GUCY1A2: variants seen among roughly 807,000 people sequenced by gnomAD.
The protein encoded by GUCY1A2 is guanylate cyclase soluble subunit alpha-2.
A neutral mutation model predicts 63.5 loss-of-function variants in GUCY1A2; 27 were observed. That is an observed-to-expected ratio of 0.43 (90% CI 0.31 to 0.59). GUCY1A2 has a LOEUF of 0.59. GUCY1A2 is among the 20% of genes least tolerant of loss of function. GUCY1A2 has a pLI of 0.11. For missense variants in GUCY1A2, 768 were observed against 913.3 expected (o/e 0.84, Z 2.05); for synonymous variants, 364 against 343.5 (o/e 1.06, Z -0.66).
At chr11:106,758,115 G>C (rs950938788) in intron 6 of GUCY1A2, among the ~76,000 whole-genome samples, 1 of 152,186 alleles carries the variant, frequency 6.6e-6, no homozygotes, top group Non-Finnish European at 1.5e-5. Flanking sequence ...CCCAGTTCGA[G>C]CTTACTGGCA....
intron 4 of GUCY1A2, among the ~76,000 whole-genome samples, chr11:106,832,693 T>C (rs79287882): frequency 0.072 from 10,994 of 152,210 alleles, 415 homozygotes; most frequent in East Asian, 0.12. Flanking sequence ...CATGCAATGT[T>C]TGCTTGAATG....
At chr11:106,867,779 T>C (rs114202253) in intron 4 of GUCY1A2, among the ~76,000 whole-genome samples, 1 of 152,112 alleles carries the variant, frequency 6.6e-6, no homozygotes, top group African/African-American at 2.4e-5. Flanking sequence ...TATCAAAGAC[T>C]AGAATATCAA....
In GUCY1A2 at chr11:106,810,031, T is replaced by C; in HGVS notation, c.1654A>G (p.Arg552Gly). Residue 552 changes from arginine (R) to glycine (G), a missense_variant, in exon 5 of 8, where the codon AGA becomes GGA. Around this residue, in one of 3 missense-constraint regions of GUCY1A2, gnomAD observed 122 missense variants for 238.1 expected, o/e 0.51. Transcript: ENST00000526355. ...AAAAATCCACACTGGTGGTCAAATC[T>C]GGTGTACAGTTCATTCAGCATGCTG... ...VISMLNELYT[R>G]FDHQCGFLDI... 6.2e-7 allele frequency: 1 copy of C among 1,611,174 alleles called. No homozygotes were observed. The highest frequency in any genetic ancestry group is 8.5e-7 in the Non-Finnish European group (1 of 1,177,422).
In GUCY1A2 at chr11:106,827,373, G is replaced by T. The variant is rs1858986053; in HGVS notation, c.1207-16895C>A. On this transcript the variant is annotated intron_variant, in intron 4 of 7. Transcript: ENST00000526355. ...TATTCCCTATAGCTTTATCTTTAAT[G>T]GCCCAAATCACTTCACAGCCTTCAA... is the stretch of plus-strand genomic sequence containing the variant. 4 of 1,548,462 alleles carry T rather than the reference G, an allele frequency of 2.6e-6. No homozygotes were observed. The Admixed American group carries it at 5.0e-5, about 19-fold the overall frequency.
intron 4 of GUCY1A2, among the ~76,000 whole-genome samples, chr11:106,925,789 C>T (rs1430816415): frequency 6.6e-6 from 1 of 152,158 alleles, no homozygotes; most frequent in Non-Finnish European, 1.5e-5. Context: ...GTGTCTTAGT[C>T]AATTCACCTA....
chr11:106,763,709 A>G (rs1231757094), intron 6 of GUCY1A2, among the ~76,000 whole-genome samples: 1 of 152,100 alleles, frequency 6.6e-6, no homozygotes. Flanking sequence ...AAAAAAGCAG[A>G]TTAGTATTTG....
chr11:106,754,464 C>A (rs1456520599), intron 6 of GUCY1A2, among the ~76,000 whole-genome samples: 1 of 152,148 alleles, frequency 6.6e-6, no homozygotes, highest in Non-Finnish European at 1.5e-5. Context: ...CCAGTTTTTG[C>A]CCATTCAGTA....
At position 106,687,145 on chromosome 11, in the gene GUCY1A2, C is replaced by T. The variant is rs1374989755; in HGVS notation, c.*404G>A. Reference sequence around the variant, plus strand: ...AAGAAACTTAGAAAATATTCCTCACCCACCAACTCACTAAATGTAGGAATA... The same window carrying T: ...AAGAAACTTAGAAAATATTCCTCACTCACCAACTCACTAAATGTAGGAATA... On this transcript the variant is annotated 3_prime_UTR_variant, in exon 8 of 8. Coordinates refer to ENST00000526355, the MANE Select transcript of GUCY1A2 (RefSeq NM_000855.3). 4 of 234,246 alleles carry T rather than the reference C, an allele frequency of 1.7e-5. No individual in the cohort carries two copies. Among genetic ancestry groups the T allele is most frequent in the Non-Finnish European group, 3.4e-5 (4 of 119,012 alleles). 14.5% of individuals were successfully genotyped at this position (234,246 alleles called of 1,614,324 possible). A position where few individuals can be genotyped will look rare whatever the true frequency, so the allele number is the denominator to read the frequency against.
chr11:106,870,538 G>A (rs538244026), intron 4 of GUCY1A2, among the ~76,000 whole-genome samples: 1 of 152,098 alleles, frequency 6.6e-6, no homozygotes, highest in East Asian at 1.9e-4. Flanking sequence ...GTATGTTTTT[G>A]TTGTTGTTGT....
chr11:106,933,379 A>ATC (rs1054534904), intron 4 of GUCY1A2, among the ~76,000 whole-genome samples: 21 of 152,208 alleles, frequency 1.4e-4, no homozygotes, highest in African/African-American at 4.8e-4. Context: ...AAAAATGCAA[A>ATC]TCAAACCCAC....
chr11:106,900,842 A>G (rs1306271858), intron 4 of GUCY1A2, among the ~76,000 whole-genome samples: 1 of 152,228 alleles, frequency 6.6e-6, no homozygotes. Flanking sequence ...ATTGCTAAAA[A>G]TGCTAATGAT....
rs1277728111 is a variant in GUCY1A2, at chr11:106,674,099, TAACTA to T, written c.*13445_*13449del. 2 of 178,600 alleles carry T rather than the reference TAACTA, an allele frequency of 1.1e-5. No homozygotes were observed. Among genetic ancestry groups the T allele is most frequent in the Non-Finnish European group, 2.4e-5 (2 of 83,170 alleles). 11.1% of individuals were successfully genotyped at this position (178,600 alleles called of 1,614,324 possible). A position where few individuals can be genotyped will look rare whatever the true frequency, so the allele number is the denominator to read the frequency against. The stretch of plus-strand genomic sequence containing the variant: ...TTTTAAGGTAAATAAATGCATGACT[TAACTA>T]GACAATTTTGTAATGAATTATGTAA... On this transcript the variant is annotated 3_prime_UTR_variant, in exon 8 of 8. Transcript: ENST00000526355.
chr11:106,719,396 T>C (rs971763580), intron 6 of GUCY1A2, among the ~76,000 whole-genome samples: 2 of 152,038 alleles, frequency 1.3e-5, no homozygotes, highest in African/African-American at 4.8e-5. Flanking sequence ...GATAAAAGGA[T>C]TTAGGAAAGG....
chr11:106,891,074 T>A (rs1325920854), intron 4 of GUCY1A2, among the ~76,000 whole-genome samples: 1 of 152,184 alleles, frequency 6.6e-6, no homozygotes, highest in Non-Finnish European at 1.5e-5. Context: ...AAAATGGTTA[T>A]ACCAGTTACA....
At position 106,675,229 on chromosome 11, in the gene GUCY1A2, T is replaced by C. The variant is rs116046697; in HGVS notation, c.*12320A>G. 1,303 of 203,746 alleles carry C rather than the reference T, an allele frequency of 6.4e-3. 22 individuals are homozygous for C. Among genetic ancestry groups the C allele is most frequent in the African/African-American group, 0.027 (1,177 of 43,734 alleles). The allele number at this position is 203,746 out of a possible 1,614,324, so 12.6% of individuals were successfully genotyped here. On this transcript the variant is annotated 3_prime_UTR_variant, in exon 8 of 8. Transcript: ENST00000526355. Reference sequence around the variant, plus strand: ...GTTATAATGTAGCTACAGGCAGCTGTTATAAAACTTCTTTTTCGAAGGCAA... The same window carrying C: ...GTTATAATGTAGCTACAGGCAGCTGCTATAAAACTTCTTTTTCGAAGGCAA...
intron 6 of GUCY1A2, among the ~76,000 whole-genome samples, chr11:106,724,822 G>A (rs965239202): frequency 6.6e-6 from 1 of 152,084 alleles, no homozygotes; most frequent in East Asian, 1.9e-4. Flanking sequence ...AGCACTTAGA[G>A]TGTGCAACAC....
At position 107,015,561 on chromosome 11, in the gene GUCY1A2, CAAAAAAAAAAAAAAAAAAAAAAAAA is replaced by C. The variant is rs568139219; in HGVS notation, c.303+2167_303+2191del. Among the ~76,000 whole-genome samples, 40 of 27,510 alleles carry C rather than the reference CAAAAAAAAAAAAAAAAAAAAAAAAA, an allele frequency of 1.5e-3. No homozygotes were observed. In the South Asian group the frequency reaches 0.028, roughly 19 times the overall value. 18.0% of individuals were successfully genotyped at this position (27,510 alleles called of 152,430 possible). On this transcript the variant is annotated intron_variant, in intron 1 of 7. Transcript: ENST00000526355. ...TTAGAAATCTGTAAATTCTCTTAGG[CAAAAAAAAAAAAAAAAAAAAAAAAA>C]AAAAAAAAAAAACCTCCAAGGTTAT...
intron 4 of GUCY1A2, among the ~76,000 whole-genome samples, chr11:106,896,274 A>G (rs898787626): frequency 6.6e-6 from 1 of 152,082 alleles, no homozygotes; most frequent in Non-Finnish European, 1.5e-5. Flanking sequence ...TCCAACGTCA[A>G]TTAAATCTCT....
chr11:106,985,876 A>G (rs1861394280), intron 2 of GUCY1A2, among the ~76,000 whole-genome samples, 194 bp downstream of exon 2: 1 of 152,230 alleles, frequency 6.6e-6, no homozygotes, highest in African/African-American at 2.4e-5. Flanking sequence ...ATTTAAAAGA[A>G]TTAAGCACAA....
Sources: gnomAD v4.1 joint callset for allele counts (sites outside exome capture counted in the v4.1 genomes callset) on GRCh38, gnomAD v4.1.1 for gene constraint, gnomAD v4.1.1 regional missense constraint, MANE v1.5 for transcripts, NCBI Gene and HGNC (gene_info 2026-07-23, HGNC 2026-07-21) for gene names.